Variants in VIRMA observed in about 807,000 individuals in gnomAD.
VIRMA encodes protein virilizer homolog.
Under a neutral mutation model 182.4 loss-of-function variants are expected in VIRMA, and 65 were observed. The ratio of observed to expected loss-of-function variants is 0.36; its 90% CI spans 0.29 to 0.44. The LOEUF is 0.44. Among genes scored for constraint, VIRMA ranks in the 20% least tolerant of loss-of-function variants. The pLI is 1.00. For missense variants in VIRMA, 1,752 were observed against 2,158.1 expected (o/e 0.81, Z 3.73); for synonymous variants, 709 against 743.1 (o/e 0.95, Z 0.75).
At position 94,516,299 on chromosome 8, in the gene VIRMA, TTC is replaced by T. The variant is rs138609849; in HGVS notation, c.2669-1350_2669-1349del. On this transcript the variant is annotated intron_variant, in intron 10 of 23. Coordinates refer to ENST00000297591, the MANE Select transcript of VIRMA (RefSeq NM_015496.5). ...CTTTTCCTCTAACATGAAATTTTAA[TTC>T]TGTCAACTTCCAAATTTGCCTTTAT... Among the ~76,000 whole-genome samples, 926 of 152,346 alleles carry T rather than the reference TTC, an allele frequency of 6.1e-3. 11 individuals carry two copies. Among genetic ancestry groups the T allele is most frequent in the African/African-American group, 0.021 (882 of 41,578 alleles).
chr8:94,511,838 A>G (rs912458224), intron 12 of VIRMA, 109 bp from the exon 13 acceptor site: 1 of 720,712 alleles, frequency 1.4e-6, no homozygotes, highest in Non-Finnish European at 1.9e-6. Context: ...TATTTATAAT[A>G]AATGATTTTT....
chr8:94,523,230 G>A (rs1408306060), intron 8 of VIRMA, among the ~76,000 whole-genome samples: 1 of 152,044 alleles, frequency 6.6e-6, no homozygotes, highest in African/African-American at 2.4e-5. Flanking sequence ...CCCAGGAATT[G>A]TTATTGTTTA....
At position 94,526,613 on chromosome 8, in the gene VIRMA, A is replaced by G; in HGVS notation, c.1631T>C (p.Val544Ala). 1 of 1,614,198 alleles carries G rather than the reference A, an allele frequency of 6.2e-7. No homozygotes were observed. Among genetic ancestry groups the G allele is most frequent in the South Asian group, 1.1e-5 (1 of 91,080 alleles). The change falls in exon 8 of 24, where the codon GTG (valine) becomes GCG (alanine). Residue 544 changes from valine (V) to alanine (A), a missense_variant. This residue lies in a region of VIRMA where 401 missense variants were observed against 455.1 expected (regional missense o/e 0.88). Coordinates refer to ENST00000297591, the MANE Select transcript of VIRMA (RefSeq NM_015496.5). ...AGCTGAACCAGCAGTAACAACCCTC[A>G]CAGTCTGATCTAAAAGTATGAGTTC... is the stretch of plus-strand genomic sequence containing the variant. ...LLELILLDQT[V>A]RVVTAGSAIL...
rs756627839 is a variant in VIRMA at position 94,511,594 on chromosome 8, C to T, written c.2981G>A (p.Gly994Glu). ...AGTAGTAACTCTGTGAAGGGTAGTC[C>T]CCATGTTGACATGGAGCCTCCAAGG... is the stretch of plus-strand genomic sequence containing the variant. ...TQPWRLHVNM[G>E]TTLHRVTTIS... Residue 994 changes from glycine (G) to glutamate (E), a missense_variant, in exon 13 of 24, where the codon GGG becomes GAG. Around this residue, in one of 11 missense-constraint regions of VIRMA, gnomAD observed 777 missense variants for 920.6 expected, o/e 0.84. Coordinates refer to ENST00000297591, the MANE Select transcript of VIRMA (RefSeq NM_015496.5). 6.2e-7 allele frequency: 1 copy of T among 1,613,994 alleles called. No homozygotes were observed. Among genetic ancestry groups the T allele is most frequent in the Non-Finnish European group, 8.5e-7 (1 of 1,179,990 alleles).
Position 94,526,957 on chromosome 8 carries a change from G to T in VIRMA, c.1287C>A (p.Gly429=). Residue 429 remains glycine (G), a synonymous_variant, in exon 8 of 24, where the codon GGC becomes GGA. Coordinates refer to ENST00000297591, the MANE Select transcript of VIRMA (RefSeq NM_015496.5). ...CTTGCATGGTCCAGTCTACCAACTG[G>T]CCAAGGGAGTCTTGTTTTGTGTTTT... ...QLKNTKQDSL[G]QLVDWTMQAL... is the part of the protein sequence containing the mutation. The T allele has an allele frequency of 6.2e-7, 1 of 1,614,178 alleles. No homozygotes were observed. Among genetic ancestry groups the T allele is most frequent in the Non-Finnish European group, 8.5e-7 (1 of 1,180,010 alleles).
In VIRMA at chr8:94,517,776, T is replaced by G; in HGVS notation, c.2668+12A>C. ...ATATTACAAATGCTTAAAATAACTT[T>G]AAGTACCATACCTTGCAATTTAGCA... On this transcript the variant is annotated intron_variant, in intron 10 of 23. Transcript: ENST00000297591. The G allele has an allele frequency of 6.4e-7, 1 of 1,566,728 alleles. No homozygotes were observed. Among genetic ancestry groups the G allele is most frequent in the Non-Finnish European group, 8.7e-7 (1 of 1,150,558 alleles).
intron 8 of VIRMA, among the ~76,000 whole-genome samples, chr8:94,520,081 C>T (rs1814708671): frequency 6.7e-6 from 1 of 149,996 alleles, no homozygotes; most frequent in African/African-American, 2.5e-5. Flanking sequence ...CGTGGTGGCG[C>T]ATGTCTGTAG....
intron 1 of VIRMA, among the ~76,000 whole-genome samples, chr8:94,548,946 C>T (rs1269222988): frequency 6.8e-6 from 1 of 147,306 alleles, no homozygotes; most frequent in African/African-American, 2.5e-5. Context: ...CATGAGCCAC[C>T]GCGTTTGCTA....
chr8:94,488,631 T>A lies in VIRMA; in HGVS notation c.*75A>T, dbSNP rs1022723476. ...TCTCCAGATAACTGCTAAGTCTAAATTGGTCCTTCAATGTCTTATTTTTAT... is the reference window on the plus strand; with the variant it reads ...TCTCCAGATAACTGCTAAGTCTAAAATGGTCCTTCAATGTCTTATTTTTAT... On this transcript the variant is annotated 3_prime_UTR_variant, in exon 24 of 24. Coordinates refer to ENST00000297591, the MANE Select transcript of VIRMA (RefSeq NM_015496.5). 7.1e-7 allele frequency: 1 copy of A among 1,408,380 alleles called. No individual in the cohort carries two copies. The highest frequency in any genetic ancestry group is 1.4e-5 in the African/African-American group (1 of 71,358). 87.2% of individuals were successfully genotyped at this position (1,408,380 alleles called of 1,614,324 possible).
At chr8:94,495,197 T>G (rs1813731205) in intron 19 of VIRMA, among the ~76,000 whole-genome samples, 1 of 151,526 alleles carries the variant, frequency 6.6e-6, no homozygotes, top group Non-Finnish European at 1.5e-5. Context: ...AGAGAGAGGG[T>G]CTCCCTATGT....
chr8:94,507,789 C>A (rs1412118695), intron 15 of VIRMA, among the ~76,000 whole-genome samples: 1 of 150,984 alleles, frequency 6.6e-6, no homozygotes, highest in Admixed American at 6.6e-5. Context: ...AAGCCCCCTG[C>A]AATTTAAAAT....
At chr8:94,509,568 T>G (rs1049270814) in intron 15 of VIRMA, 120 bp downstream of exon 15, 3 of 1,026,382 alleles carry the variant, frequency 2.9e-6, no homozygotes, top group Non-Finnish European at 1.4e-6. Flanking sequence ...GCAGGAATAA[T>G]AAAACATAGA....
At position 94,532,069 on chromosome 8, in the gene VIRMA, C is replaced by T. The variant is rs547386521; in HGVS notation, c.485-984G>A. On this transcript the variant is annotated intron_variant, in intron 5 of 23. Coordinates refer to ENST00000297591, the MANE Select transcript of VIRMA (RefSeq NM_015496.5). ...AAAGGGGTAATAGGGAATCTTGGGG[C>T]AATGGTGTAGTTAAGTATTTTGGGG... Among the ~76,000 whole-genome samples, 30 of 152,156 alleles carry T rather than the reference C, an allele frequency of 2.0e-4. No homozygotes were observed. In the Middle Eastern group the frequency reaches 0.01, roughly 52 times the overall value.
At chr8:94,552,561 A>C (rs1397441526) in intron 1 of VIRMA, among the ~76,000 whole-genome samples, 1 of 152,206 alleles carries the variant, frequency 6.6e-6, no homozygotes, top group Non-Finnish European at 1.5e-5. Context: ...GAAAAATGTG[A>C]AGTTCGTTTT....
At chr8:94,532,200 G>C (rs1241887882) in intron 5 of VIRMA, among the ~76,000 whole-genome samples, 4 of 152,224 alleles carry the variant, frequency 2.6e-5, no homozygotes, top group African/African-American at 9.6e-5. Context: ...TCCACCACCA[G>C]GGTTCAAGTG....
chr8:94,495,909 C>T lies in VIRMA; in HGVS notation c.4384-18G>A. On this transcript the variant is annotated intron_variant, in intron 18 of 23. Transcript: ENST00000297591. ...GAATGTTCCTAGATACAAATAAAGG[C>T]AGAATAAGAAGGTGCAGGTAAAACT... 1 of 1,606,720 alleles carries T rather than the reference C, an allele frequency of 6.2e-7. No homozygotes were observed. Among genetic ancestry groups the T allele is most frequent in the Non-Finnish European group, 8.5e-7 (1 of 1,176,894 alleles).
At chr8:94,529,921 T>C (rs1226023426) in intron 6 of VIRMA, among the ~76,000 whole-genome samples, 1 of 152,186 alleles carries the variant, frequency 6.6e-6, no homozygotes, top group Non-Finnish European at 1.5e-5. Flanking sequence ...ATTACAGGCG[T>C]GAGCCACCAC....
intron 9 of VIRMA, 103 bp downstream of exon 9, chr8:94,518,882 A>C (rs1814653712): frequency 2.8e-6 from 3 of 1,054,634 alleles, no homozygotes; most frequent in Non-Finnish European, 4.1e-6. Flanking sequence ...TCAAAACTAT[A>C]GTTTTTCCCT....
intron 1 of VIRMA, among the ~76,000 whole-genome samples, chr8:94,544,206 T>C (rs1043477348): frequency 2.6e-5 from 4 of 152,182 alleles, no homozygotes; most frequent in Non-Finnish European, 4.4e-5. Flanking sequence ...ACAGAGTCCC[T>C]TATCTGAAAT....
Sources: allele counts gnomAD v4.1 joint callset (sites outside exome capture counted in the v4.1 genomes callset), GRCh38; gene constraint gnomAD v4.1.1; regional missense constraint gnomAD v4.1.1; transcripts MANE v1.5; gene names NCBI Gene and HGNC (gene_info 2026-07-23, HGNC 2026-07-21).